Variants in ANKRD50 observed in about 807,000 individuals in gnomAD.
The protein encoded by ANKRD50 is ankyrin repeat domain 50, also known as ankyrin repeat domain-containing protein 50.
ANKRD50 carries 40 observed loss-of-function variants against 112.0 expected under a neutral mutation model. That is an observed-to-expected ratio of 0.36 (90% CI 0.28 to 0.46). ANKRD50 has a LOEUF of 0.46. Among genes scored for constraint, ANKRD50 ranks in the 20% least tolerant of loss-of-function variants. The probability of loss-of-function intolerance (pLI) is 1.00; values close to 1 mark genes in which losing one functional copy is unlikely to be tolerated. For missense variants in ANKRD50, 1,487 were observed against 1,701.7 expected (o/e 0.87, Z 2.22); for synonymous variants, 613 against 619.1 (o/e 0.99, Z 0.15).
chr4:124,710,454 C>A lies in ANKRD50; in HGVS notation c.58G>T (p.Gly20Trp), dbSNP rs1459098025. Residue 20 changes from glycine (G) to tryptophan (W), a missense_variant, in exon 2 of 5, where the codon GGG (glycine) becomes TGG (tryptophan). Physicochemically the swap from Gly to Trp is radical, Grantham distance 184. Around this residue, in one of 2 missense-constraint regions of ANKRD50, gnomAD observed 1,046 missense variants for 1,269.5 expected, o/e 0.82. Coordinates refer to ENST00000504087, the MANE Select transcript of ANKRD50 (RefSeq NM_020337.3). ...CACTCCCTACAGTAAAACTGCTTCC[C>A]TTGCAGTAAACTGGTTTGAGCCATT... is the stretch of plus-strand genomic sequence containing the variant. ...CKMAQTSLLQ[G>W]KQFYCREWVF... is the part of the protein sequence containing the mutation. 2 of 1,614,066 alleles carry A rather than the reference C, an allele frequency of 1.2e-6. No homozygotes were observed. The highest frequency in any genetic ancestry group is 1.1e-5 in the South Asian group (1 of 91,080).
In ANKRD50 at chr4:124,671,116, C is replaced by A; in HGVS notation, c.2161G>T (p.Val721Leu). 1 of 1,613,832 alleles carries A rather than the reference C, an allele frequency of 6.2e-7. No individual in the cohort carries two copies. The highest frequency in any genetic ancestry group is 1.1e-5 in the South Asian group (1 of 91,080). The change falls in exon 4 of 5, where the codon GTG (valine) becomes TTG (leucine). Residue 721 changes from valine (V) to leucine (L), a missense_variant. Around this residue, in one of 2 missense-constraint regions of ANKRD50, gnomAD observed 1,046 missense variants for 1,269.5 expected, o/e 0.82. Transcript: ENST00000504087. ...GATGCGTGCCCTTTACTTGCAGGCA[C>A]ACAAAGTGCAGCTACAGAGAGTGCA... is the stretch of plus-strand genomic sequence containing the variant. Reference protein sequence around the residue: ...RTALSVAALCVPASKGHASVV... With the variant: ...RTALSVAALCLPASKGHASVV...
At chr4:124,697,725 T>C (rs936307159) in intron 2 of ANKRD50, among the ~76,000 whole-genome samples, 2 of 152,016 alleles carry the variant, frequency 1.3e-5, no homozygotes, top group East Asian at 1.9e-4. Context: ...TATTCTGTTA[T>C]AGGAACACTA....
rs1428871960 is a variant in ANKRD50 at position 124,711,114 on chromosome 4, A to G, written c.-603T>C. 4.8e-6 allele frequency: 1 copy of G among 209,704 alleles called. No individual in the cohort carries two copies. The highest frequency in any genetic ancestry group is 9.4e-6 in the Non-Finnish European group (1 of 106,646). 13.0% of individuals were successfully genotyped at this position (209,704 alleles called of 1,614,324 possible). ...GGGCAACTGCCAGGAACTGTTTCAG[A>G]TTATAGTCTCTTATGTGGCAGAAAT... On this transcript the variant is annotated 5_prime_UTR_variant, in exon 2 of 5. Coordinates refer to ENST00000504087, the MANE Select transcript of ANKRD50 (RefSeq NM_020337.3).
In ANKRD50 at chr4:124,670,052, A is replaced by T. The variant is rs985628939; in HGVS notation, c.3225T>A (p.Asp1075Glu). Residue 1075 changes from aspartate to glutamate, a missense_variant, in exon 4 of 5, where the codon GAT (aspartate) becomes GAA (glutamate). By Grantham distance (45) the Asp-to-Glu change is conservative. Coordinates refer to ENST00000504087, the MANE Select transcript of ANKRD50 (RefSeq NM_020337.3). ...LEHGADPNHADQFGRTAMRVA... is the reference protein window; with the variant it reads ...LEHGADPNHAEQFGRTAMRVA... ...CACGCATAGCAGTGCGTCCAAATTGATCAGCATGGTTTGGATCAGCACCAT... is the reference window on the plus strand; with the variant it reads ...CACGCATAGCAGTGCGTCCAAATTGTTCAGCATGGTTTGGATCAGCACCAT... 4 of 1,611,794 alleles carry T rather than the reference A, an allele frequency of 2.5e-6. No homozygotes were observed. The highest frequency in any genetic ancestry group is 3.4e-6 in the Non-Finnish European group (4 of 1,179,412).
At chr4:124,685,142 T>C (rs1724977804) in intron 2 of ANKRD50, among the ~76,000 whole-genome samples, 1 of 152,198 alleles carries the variant, frequency 6.6e-6, no homozygotes, top group South Asian at 2.1e-4. Flanking sequence ...GTTACAAGGC[T>C]GAGAGTGAAG....
Position 124,699,810 on chromosome 4 carries a change from T to C in ANKRD50, c.512+10190A>G, listed in dbSNP as rs190868222. On this transcript the variant is annotated intron_variant, in intron 2 of 4. Transcript: ENST00000504087. ...AAAAAACCATGGACTACTTAAAAAC[T>C]GAACATGGCTAAAGCAATAAAAATT... 6.8e-3 allele frequency among the ~76,000 whole-genome samples: 1,019 copies of C among 150,306 alleles called. 12 individuals carry two copies. The highest frequency in any genetic ancestry group is 0.022 in the African/African-American group (916 of 41,124).
At chr4:124,676,125 G>A (rs2110511456) in intron 3 of ANKRD50, among the ~76,000 whole-genome samples, 1 of 151,720 alleles carries the variant, frequency 6.6e-6, no homozygotes, top group East Asian at 1.9e-4. Context: ...GATATGTGTA[G>A]GACATATAGA....
In ANKRD50 at chr4:124,670,127, A is replaced by G. The variant is rs1730602142; in HGVS notation, c.3150T>C (p.Cys1050=). 1 of 1,613,088 alleles carries G rather than the reference A, an allele frequency of 6.2e-7. No homozygotes were observed. Among genetic ancestry groups the G allele is most frequent in the Admixed American group, 1.7e-5 (1 of 59,758 alleles). Residue 1050 remains cysteine, a synonymous_variant, in exon 4 of 5, where the codon TGT becomes TGC. Transcript: ENST00000504087. ...CAATGTGCCCTTCCTGGGCTGCAATACAGAGTGCAGTTGCACCTTGGTTAC... is the reference window on the plus strand; with the variant it reads ...CAATGTGCCCTTCCTGGGCTGCAATGCAGAGTGCAGTTGCACCTTGGTTAC... ...HTCNQGATAL[C]IAAQEGHIDV...
At chr4:124,691,181 T>A (rs1725126708) in intron 2 of ANKRD50, among the ~76,000 whole-genome samples, 1 of 152,192 alleles carries the variant, frequency 6.6e-6, no homozygotes, top group East Asian at 1.9e-4. Context: ...TGCACTTGTT[T>A]GTTATCCATT....
rs1210202616 is a variant in ANKRD50 at position 124,683,886 on chromosome 4, T to C, written c.513-4981A>G. On this transcript the variant is annotated intron_variant, in intron 2 of 4. Transcript: ENST00000504087. ...TTTCTTTTTTTTTTTTTTACTTTTA[T>C]ATAGATAATACATCAGTCTTTTTTT... Among the ~76,000 whole-genome samples the C allele has an allele frequency of 2.0e-5, 3 of 147,660 alleles. No homozygotes were observed. In the East Asian group the frequency reaches 6.0e-4, roughly 29 times the overall value.
intron 2 of ANKRD50, among the ~76,000 whole-genome samples, chr4:124,692,024 A>C (rs1005465064): frequency 4.6e-5 from 7 of 152,212 alleles, no homozygotes; most frequent in Admixed American, 3.9e-4. Context: ...CACACCACAC[A>C]CAGTTTATTT....
Position 124,687,132 on chromosome 4 carries a change from A to G in ANKRD50, c.513-8227T>C, listed in dbSNP as rs184545693. Among the ~76,000 whole-genome samples, 4 of 152,376 alleles carry G rather than the reference A, an allele frequency of 2.6e-5. No homozygotes were observed. In the East Asian group the frequency reaches 7.7e-4, roughly 29 times the overall value. ...TTTACTATTAAAGCTAGTGCAATCAAGACAGTATGCTATGTATTTGTTAAA... is the reference window on the plus strand; with the variant it reads ...TTTACTATTAAAGCTAGTGCAATCAGGACAGTATGCTATGTATTTGTTAAA... On this transcript the variant is annotated intron_variant, in intron 2 of 4. Coordinates refer to ENST00000504087, the MANE Select transcript of ANKRD50 (RefSeq NM_020337.3).
At position 124,669,209 on chromosome 4, in the gene ANKRD50, C is replaced by T; in HGVS notation, c.4068G>A (p.Lys1356=). 3 of 1,613,708 alleles carry T rather than the reference C, an allele frequency of 1.9e-6. No homozygotes were observed. The highest frequency in any genetic ancestry group is 2.5e-6 in the Non-Finnish European group (3 of 1,179,796). ...FLIHQQSGEQ[K]KRNGIMTNPN... Reference sequence around the variant, plus strand: ...GATTTGTCATTATTCCATTTCTCTTCTTCTGTTCCCCACTTTGTTGGTGAA... The same window carrying T: ...GATTTGTCATTATTCCATTTCTCTTTTTCTGTTCCCCACTTTGTTGGTGAA... The change falls in exon 4 of 5, where the codon AAG becomes AAA. Residue 1356 remains lysine, a synonymous_variant. Transcript: ENST00000504087.
intron 2 of ANKRD50, among the ~76,000 whole-genome samples, chr4:124,696,142 A>AT (rs750721893): frequency 5.3e-5 from 8 of 152,130 alleles, no homozygotes; most frequent in Non-Finnish European, 1.2e-4. Flanking sequence ...GAGTAGATGG[A>AT]TAAAAATAGA....
intron 2 of ANKRD50, among the ~76,000 whole-genome samples, chr4:124,687,162 G>C (rs1474438849): frequency 6.6e-6 from 1 of 152,176 alleles, no homozygotes; most frequent in Admixed American, 6.5e-5. Context: ...GTTAAAGACA[G>C]ATTAATAAAA....
rs183969638 is a variant in ANKRD50, at chr4:124,671,691, C to A, written c.1586G>T (p.Arg529Leu). Residue 529 changes from arginine (R) to leucine (L), a missense_variant, in exon 4 of 5, where the codon CGG becomes CTG. Arg to Leu is a moderately radical substitution (Grantham distance 102). Coordinates refer to ENST00000504087, the MANE Select transcript of ANKRD50 (RefSeq NM_020337.3). ...RQALEREDSI[R>L]TLLDNGASVN... ...TGAAGCTCCATTATCTAATAATGTC[C>A]GAATGGAATCCTCTCTTTCTAAGGC... 6.2e-7 allele frequency: 1 copy of A among 1,613,806 alleles called. No individual in the cohort carries two copies. The highest frequency in any genetic ancestry group is 8.5e-7 in the Non-Finnish European group (1 of 1,179,844).
chr4:124,688,476 C>T (rs1725055142), intron 2 of ANKRD50, among the ~76,000 whole-genome samples: 1 of 152,080 alleles, frequency 6.6e-6, no homozygotes, highest in South Asian at 2.1e-4. Flanking sequence ...AAATTATAAA[C>T]CTGTACTCTA....
rs1230072247 is a variant in ANKRD50, at chr4:124,665,331, T to C, written c.*2187A>G. On this transcript the variant is annotated 3_prime_UTR_variant, in exon 5 of 5. Transcript: ENST00000504087. The stretch of plus-strand genomic sequence containing the variant: ...CCAATTGCTTCAAGTGTATATAGTA[T>C]GGATATGAAAACAGTTAGCTCTTTG... 2.0e-5 allele frequency: 3 copies of C among 152,424 alleles called. No homozygotes were observed. The highest frequency in any genetic ancestry group is 4.4e-5 in the Non-Finnish European group (3 of 67,870). 9.4% of individuals were successfully genotyped at this position (152,424 alleles called of 1,614,324 possible). A position where few individuals can be genotyped will look rare whatever the true frequency, so the allele number is the denominator to read the frequency against.
intron 2 of ANKRD50, among the ~76,000 whole-genome samples, chr4:124,682,272 C>T (rs946489401): frequency 1.4e-5 from 2 of 143,626 alleles, no homozygotes; most frequent in Non-Finnish European, 3.0e-5. Flanking sequence ...ACCGAGATTG[C>T]GCCACTGCAG....
Sources: allele counts gnomAD v4.1 joint callset (sites outside exome capture counted in the v4.1 genomes callset), GRCh38; gene constraint gnomAD v4.1.1; regional missense constraint gnomAD v4.1.1; transcripts MANE v1.5; gene names NCBI Gene and HGNC (gene_info 2026-07-23, HGNC 2026-07-21).